DIAPH2: variants seen among roughly 807,000 people sequenced by gnomAD.
The protein encoded by DIAPH2 is protein diaphanous homolog 2.
A neutral mutation model predicts 92.7 loss-of-function variants in DIAPH2; 35 were observed. That is an observed-to-expected ratio of 0.38 (90% CI 0.29 to 0.50). The LOEUF is 0.50. DIAPH2 is among the 20% of genes least tolerant of loss of function. The pLI, the probability that DIAPH2 is intolerant of heterozygous loss-of-function variation, is 0.94. For synonymous variants in DIAPH2, 301 were observed against 280.4 expected, an observed-to-expected ratio of 1.07 and a Z score of -0.73; for missense variants, 701 against 819.5, an observed-to-expected ratio of 0.86 and a Z score of 1.77.
At chrX:97,430,130 T>C (rs2070111048) in intron 26 of DIAPH2, among the ~76,000 whole-genome samples, 2 of 112,166 alleles carry the variant, frequency 1.8e-5, no homozygotes, top group Non-Finnish European at 3.8e-5. Flanking sequence ...GTAAGGAAAC[T>C]GAGACAATGC....
chrX:97,585,957 A>G (rs2071477481), intron 26 of DIAPH2, among the ~76,000 whole-genome samples: 2 of 111,953 alleles, frequency 1.8e-5, no homozygotes, highest in African/African-American at 6.5e-5. Context: ...GGTTCTTTCT[A>G]TGCCTCTCTG....
intron 23 of DIAPH2, among the ~76,000 whole-genome samples, chrX:97,320,882 G>C (rs2068888191): frequency 9.0e-6 from 1 of 111,403 alleles, no homozygotes; most frequent in Non-Finnish European, 1.9e-5. Flanking sequence ...ATTCAGCATA[G>C]AAGGAGTAAA....
intron 23 of DIAPH2, among the ~76,000 whole-genome samples, chrX:97,301,101 A>G (rs1208982680): frequency 9.8e-6 from 1 of 101,902 alleles, no homozygotes; most frequent in African/African-American, 3.6e-5. Flanking sequence ...CAGGAGATCG[A>G]CATCGCGCCA....
rs762640262 is a variant in DIAPH2, at chrX:97,348,121, T to C, written c.2850T>C (p.Phe950=). ...GTTCCTTAACAAAAAGCTACAGCTTTACAAAGACTGCCCGAGAACAGTATG... is the reference window on the plus strand; with the variant it reads ...GTTCCTTAACAAAAAGCTACAGCTTCACAAAGACTGCCCGAGAACAGTATG... ...HDKFVEKMTS[F]TKTAREQYEK... is the part of the protein sequence containing the mutation. The change falls in exon 24 of 27, where the codon TTT becomes TTC. Residue 950 remains phenylalanine, a synonymous_variant. Transcript: ENST00000324765. 1 of 1,211,202 alleles carries C rather than the reference T, an allele frequency of 8.3e-7. No homozygotes were observed. The highest frequency in any genetic ancestry group is 2.2e-5 in the Admixed American group (1 of 45,961).
At chrX:97,094,855 A>G (rs1475201672) in intron 19 of DIAPH2, among the ~76,000 whole-genome samples, 2 of 111,403 alleles carry the variant, frequency 1.8e-5, no homozygotes, top group Non-Finnish European at 3.8e-5. Flanking sequence ...ATGGATGAAT[A>G]AAACAGAAAA....
intron 26 of DIAPH2, among the ~76,000 whole-genome samples, chrX:97,507,166 A>AAAAAAAG (rs2070842387): frequency 4.3e-5 from 4 of 92,038 alleles, no homozygotes; most frequent in African/African-American, 1.4e-4. Flanking sequence ...AAAAAAAAAA[A>AAAAAAAG]TCCCTACCTT....
At chrX:97,255,825 C>T (rs1450524033) in intron 23 of DIAPH2, among the ~76,000 whole-genome samples, 2 of 111,841 alleles carry the variant, frequency 1.8e-5, no homozygotes, top group Non-Finnish European at 3.8e-5. Flanking sequence ...TTTAAGGGTC[C>T]GTTAGCACAA....
At chrX:96,872,456 A>C (rs2065149864) in intron 4 of DIAPH2, among the ~76,000 whole-genome samples, 1 of 109,308 alleles carries the variant, frequency 9.1e-6, no homozygotes, top group Non-Finnish European at 1.9e-5. Flanking sequence ...ATGGCGGAAT[A>C]GTACACCATT....
chrX:97,476,984 T>TATATATATATACAC (rs1280074551), intron 26 of DIAPH2, among the ~76,000 whole-genome samples: 1 of 57,090 alleles, frequency 1.8e-5, no homozygotes, highest in African/African-American at 8.6e-5. Context: ...TATATATATA[T>TATATATATATACAC]ACACACACAC....
intron 10 of DIAPH2, among the ~76,000 whole-genome samples, chrX:96,933,574 A>T (rs1248427134): frequency 9.8e-6 from 1 of 102,539 alleles, no homozygotes; most frequent in African/African-American, 3.6e-5. Flanking sequence ...ATATATATAT[A>T]TTTATATATT....
In DIAPH2 at chrX:96,834,280, A is replaced by G. The variant is rs765550572; in HGVS notation, c.448-47299A>G. ...TGCTCAACTGGTGGGTATAAAGCAAATATTCCAGAATCCAAAAAAATCTGA... is the reference window on the plus strand; with the variant it reads ...TGCTCAACTGGTGGGTATAAAGCAAGTATTCCAGAATCCAAAAAAATCTGA... On this transcript the variant is annotated intron_variant, in intron 4 of 26. Coordinates refer to ENST00000324765, the MANE Select transcript of DIAPH2 (RefSeq NM_006729.5). Among the ~76,000 whole-genome samples, 44 of 111,629 alleles carry G rather than the reference A, an allele frequency of 3.9e-4. 1 individual carries two copies. Among genetic ancestry groups the G allele is most frequent in the African/African-American group, 1.3e-3 (41 of 30,786 alleles).
chrX:97,512,264 C>T (rs1195170067), intron 26 of DIAPH2, among the ~76,000 whole-genome samples: 1 of 113,424 alleles, frequency 8.8e-6, no homozygotes, highest in African/African-American at 3.2e-5. Context: ...AGGAATTTAT[C>T]CATTTCTTCA....
intron 26 of DIAPH2, chrX:97,469,745 C>A: frequency 8.3e-7 from 1 of 1,205,260 alleles, no homozygotes; most frequent in Non-Finnish European, 1.1e-6. Context: ...GCTACATAAA[C>A]GGCCTGAGTG....
chrX:96,967,971 G>A (rs1311834780), intron 17 of DIAPH2, among the ~76,000 whole-genome samples: 1 of 110,882 alleles, frequency 9.0e-6, no homozygotes, highest in Non-Finnish European at 1.9e-5. Flanking sequence ...AGAAGTCTCC[G>A]AACTGCTTTC....
chrX:97,559,137 C>T (rs368649038), intron 26 of DIAPH2, among the ~76,000 whole-genome samples: 1 of 111,900 alleles, frequency 8.9e-6, no homozygotes, highest in Non-Finnish European at 1.9e-5. Flanking sequence ...TAAACAATAA[C>T]GGTTCAAATG....
intron 5 of DIAPH2, among the ~76,000 whole-genome samples, chrX:96,887,753 C>T (rs1171865383): frequency 9.0e-6 from 1 of 111,338 alleles, no homozygotes; most frequent in Non-Finnish European, 1.9e-5. Context: ...AAAAATGTAA[C>T]TAGCAAGAAT....
At chrX:97,164,890 C>A (rs1344968586) in intron 22 of DIAPH2, among the ~76,000 whole-genome samples, 1 of 112,169 alleles carries the variant, frequency 8.9e-6, no homozygotes, top group Non-Finnish European at 1.9e-5. Context: ...TCTCAAGATG[C>A]CCCAAGGCAT....
At chrX:96,710,310 A>G (rs1351222919) in intron 1 of DIAPH2, among the ~76,000 whole-genome samples, 1 of 111,914 alleles carries the variant, frequency 8.9e-6, no homozygotes, top group Admixed American at 9.5e-5. Context: ...TGAATAAAGC[A>G]ATATATTTGC....
At chrX:97,120,551 G>A (rs190817648) in intron 21 of DIAPH2, among the ~76,000 whole-genome samples, 2 of 106,513 alleles carry the variant, frequency 1.9e-5, no homozygotes, top group African/African-American at 6.9e-5. Context: ...CCTGCTTCCC[G>A]TCTGCCATGA....
Sources: gnomAD v4.1 joint callset for allele counts (sites outside exome capture counted in the v4.1 genomes callset) on GRCh38, gnomAD v4.1.1 for gene constraint, MANE v1.5 for transcripts, NCBI Gene and HGNC (gene_info 2026-07-23, HGNC 2026-07-21) for gene names.